The following CELSR1 variants were observed in gnomAD, a reference collection of about 807,000 sequenced individuals.
The protein encoded by CELSR1 is cadherin EGF LAG seven-pass G-type receptor 1, also known as adhesion G protein-coupled receptor C1.
CELSR1 carries 110 observed loss-of-function variants against 249.1 expected under a neutral mutation model. The ratio of observed to expected loss-of-function variants is 0.44; its 90% CI spans 0.38 to 0.52. The LOEUF (loss-of-function observed/expected upper bound fraction) is 0.52, where lower values mean the gene tolerates loss of function less well. CELSR1 is among the 20% of genes least tolerant of loss of function. CELSR1 has a pLI of 0.00. For missense variants in CELSR1, 4,109 were observed against 4,296.4 expected (o/e 0.96, Z 1.22); for synonymous variants, 2,113 against 1,900.0 (o/e 1.11, Z -2.92).
At position 46,533,783 on chromosome 22, in the gene CELSR1, G is replaced by A; in HGVS notation, c.3388C>T (p.His1130Tyr). 2 of 1,613,696 alleles carry A rather than the reference G, an allele frequency of 1.2e-6. No homozygotes were observed. The highest frequency in any genetic ancestry group is 1.7e-6 in the Non-Finnish European group (2 of 1,180,022). ...PTGVIGCIPA[H>Y]DPDVSDSLNY... ...AGGCTGTCTGACACGTCGGGGTCAT[G>A]GGCCGGGATGCAGCCGATCACGCCG... Residue 1130 changes from histidine (H) to tyrosine (Y), a missense_variant, in exon 1 of 35, where the codon CAT (histidine) becomes TAT (tyrosine). His to Tyr is a moderately conservative substitution (Grantham distance 83, BLOSUM62 2). This residue lies in a region of CELSR1 where 886 missense variants were observed against 896.5 expected (regional missense o/e 0.99). Transcript: ENST00000674500.
At chr22:46,508,007 G>C (rs1342673440) in intron 1 of CELSR1, among the ~76,000 whole-genome samples, 1 of 152,162 alleles carries the variant, frequency 6.6e-6, no homozygotes, top group East Asian at 1.9e-4. Flanking sequence ...GGATAGCTTG[G>C]TCCCGCCGGG....
Position 46,488,819 on chromosome 22 carries a change from C to T in CELSR1, c.3545-24474G>A, listed in dbSNP as rs1330563035. On this transcript the variant is annotated intron_variant, in intron 1 of 34. Transcript: ENST00000674500. The surrounding 1 kb of genome is among the most constrained non-coding windows in gnomAD (Gnocchi z 4.7). Reference sequence around the variant, plus strand: ...GGACTACAGGCGCCCGCCACCAGGCCCAGCTAATTTTTTGTATTTTTAGTA... The same window carrying T: ...GGACTACAGGCGCCCGCCACCAGGCTCAGCTAATTTTTTGTATTTTTAGTA... Among the ~76,000 whole-genome samples the T allele has an allele frequency of 1.3e-5, 2 of 152,158 alleles. No homozygotes were observed. The highest frequency in any genetic ancestry group is 4.8e-5 in the African/African-American group (2 of 41,438).
intron 33 of CELSR1, 63 bp from the exon 34 acceptor site, chr22:46,364,314 C>G: frequency 1.3e-6 from 2 of 1,577,724 alleles, no homozygotes; most frequent in African/African-American, 1.4e-5. Context: ...GCTGCTGGGC[C>G]GTGTGCAGCT....
chr22:46,365,821 G>T, intron 30 of CELSR1, 132 bp from the exon 31 acceptor site: 1 of 195,714 alleles, frequency 5.1e-6, no homozygotes, highest in Non-Finnish European at 8.7e-6. Flanking sequence ...ACAGCCTCCC[G>T]AGTATGTGGG....
At chr22:46,387,701 C>G (rs2079047147) in intron 18 of CELSR1, among the ~76,000 whole-genome samples, 1 of 152,074 alleles carries the variant, frequency 6.6e-6, no homozygotes, top group African/African-American at 2.4e-5. Context: ...ATCCTGAACC[C>G]CATCAAATAA....
At position 46,526,109 on chromosome 22, in the gene CELSR1, G is replaced by T. The variant is rs1463121360; in HGVS notation, c.3544+7518C>A. Reference sequence around the variant, plus strand: ...TGAGGTGGGCGCCCTGCCCTGGTGAGTCCATGTCCCGTGGACCTGTGGCCC... The same window carrying T: ...TGAGGTGGGCGCCCTGCCCTGGTGATTCCATGTCCCGTGGACCTGTGGCCC... On this transcript the variant is annotated intron_variant, in intron 1 of 34. Transcript: ENST00000674500. The surrounding 1 kb of genome is among the most constrained non-coding windows in gnomAD (Gnocchi z 4.7). 6.6e-6 allele frequency among the ~76,000 whole-genome samples: 1 copy of T among 152,216 alleles called. No homozygotes were observed. The highest frequency in any genetic ancestry group is 2.4e-5 in the African/African-American group (1 of 41,458).
In CELSR1 at chr22:46,454,657, T is replaced by A. The variant is rs796902786; in HGVS notation, c.4183+9050A>T. Among the ~76,000 whole-genome samples the A allele has an allele frequency of 2.6e-5, 4 of 152,334 alleles. No homozygotes were observed. The highest frequency in any genetic ancestry group is 9.6e-5 in the African/African-American group (4 of 41,570). On this transcript the variant is annotated intron_variant, in intron 2 of 34. Transcript: ENST00000674500. This position sits in a 1 kb window ranked among gnomAD's most constrained non-coding sequence, Gnocchi z 5.1. Reference sequence around the variant, plus strand: ...CCACACCTAGTTCAGCTCGCCCACCTCCAAGCTGTCCGGGTGGGACGCGGG... The same window carrying A: ...CCACACCTAGTTCAGCTCGCCCACCACCAAGCTGTCCGGGTGGGACGCGGG...
At chr22:46,456,592 G>A (rs892344044) in intron 2 of CELSR1, among the ~76,000 whole-genome samples, 6 of 149,536 alleles carry the variant, frequency 4.0e-5, no homozygotes, top group African/African-American at 1.5e-4. Context: ...GAACCTGGGA[G>A]GCAGAGCTTG....
intron 9 of CELSR1, 147 bp from the exon 10 acceptor site, chr22:46,400,049 G>C: frequency 1.2e-6 from 1 of 816,570 alleles, no homozygotes; most frequent in Non-Finnish European, 1.9e-6. Flanking sequence ...GGCAAAGTTG[G>C]CCAGGTGCGG....
Position 46,377,975 on chromosome 22 carries a change from G to A in CELSR1, c.7383+616C>T, listed in dbSNP as rs1285474648. 2.6e-5 allele frequency among the ~76,000 whole-genome samples: 4 copies of A among 152,318 alleles called. No homozygotes were observed. The East Asian group carries it at 5.8e-4, about 22-fold the overall frequency. ...CTGGTTCTGACTCCTAGACCCCAGG[G>A]TCCCACACAGGCCATGGCCAGGCTG... On this transcript the variant is annotated intron_variant, in intron 23 of 34. Coordinates refer to ENST00000674500, the MANE Select transcript of CELSR1 (RefSeq NM_001378328.1).
chr22:46,464,101 C>T lies in CELSR1; in HGVS notation c.3789G>A (p.Ser1263=), dbSNP rs140464049. 69 of 1,613,696 alleles carry T rather than the reference C, an allele frequency of 4.3e-5. No homozygotes were observed. In the Admixed American group the frequency reaches 4.7e-4, roughly 11 times the overall value. The change falls in exon 2 of 35, where the codon TCG becomes TCA. Residue 1263 remains serine (S), a synonymous_variant. Transcript: ENST00000674500. This position sits in a 1 kb window ranked among gnomAD's most constrained non-coding sequence, Gnocchi z 8.5. Reference sequence around the variant, plus strand: ...CGCGGACGCCGCCAGGCAGCAGCGCCGAGAAGGTCACGTTCAGGATGTTGG... The same window carrying T: ...CGCGGACGCCGCCAGGCAGCAGCGCTGAGAAGGTCACGTTCAGGATGTTGG... ...VSSNILNVTF[S]ALLPGGVRGQ...
Position 46,404,629 on chromosome 22 carries a change from C to A in CELSR1, c.5226+4367G>T, listed in dbSNP as rs181100257. Among the ~76,000 whole-genome samples, 166 of 151,942 alleles carry A rather than the reference C, an allele frequency of 1.1e-3. 2 individuals are homozygous for A. The highest frequency in any genetic ancestry group is 3.8e-3 in the Admixed American group (58 of 15,250). ...GGTGGGGGAGGGGGGCACACACACA[C>A]AAAAAAACAGATGCACACCTGGCTA... On this transcript the variant is annotated intron_variant, in intron 9 of 34. Transcript: ENST00000674500.
At position 46,446,146 on chromosome 22, in the gene CELSR1, C is replaced by T. The variant is rs12158853; in HGVS notation, c.4184-6735G>A. 0.041 allele frequency among the ~76,000 whole-genome samples: 6,289 copies of T among 152,242 alleles called. 445 individuals carry two copies. Among genetic ancestry groups the T allele is most frequent in the African/African-American group, 0.14 (5,846 of 41,504 alleles). On this transcript the variant is annotated intron_variant, in intron 2 of 34. Coordinates refer to ENST00000674500, the MANE Select transcript of CELSR1 (RefSeq NM_001378328.1). This position sits in a 1 kb window ranked among gnomAD's most constrained non-coding sequence, Gnocchi z 5.5. ...CACACCCAGCCCCCTCCACACCATA[C>T]TCACGAGCCTGTGCCGGCCCCACTG...
In CELSR1 at chr22:46,536,294, G is replaced by A. The variant is rs149990644; in HGVS notation, c.877C>T (p.Arg293Trp). The change falls in exon 1 of 35, where the codon CGG becomes TGG. Residue 293 changes from arginine (R) to tryptophan (W), a missense_variant. By Grantham distance (101) the Arg-to-Trp change is moderately radical (BLOSUM62 -3). Around this residue, in one of 7 missense-constraint regions of CELSR1, gnomAD observed 673 missense variants for 636.8 expected, o/e 1.06. Transcript: ENST00000674500. ...GCAGAGTCGATTCGGAAGTAGCCCCGGGAGCGCTCGTCGAACAGCCCCTCC... is the reference window on the plus strand; with the variant it reads ...GCAGAGTCGATTCGGAAGTAGCCCCAGGAGCGCTCGTCGAACAGCCCCTCC... ...YMEGLFDERS[R>W]GYFRIDSATG... is the part of the protein sequence containing the mutation. The A allele has an allele frequency of 1.9e-6, 3 of 1,612,618 alleles. No individual in the cohort carries two copies. The highest frequency in any genetic ancestry group is 1.1e-5 in the South Asian group (1 of 91,082).
chr22:46,525,163 T>C (rs4823556), intron 1 of CELSR1, among the ~76,000 whole-genome samples: 50,282 of 152,050 alleles, frequency 0.33, 9,047 homozygotes, highest in African/African-American at 0.47. Context: ...AGAGGGTCGT[T>C]TACGGCTGGG....
chr22:46,365,520 G>A, intron 31 of CELSR1, 66 bp downstream of exon 31: 3 of 1,541,410 alleles, frequency 1.9e-6, no homozygotes, highest in East Asian at 2.4e-5. Flanking sequence ...GGGGCAGTCT[G>A]TCCAGTGACC....
chr22:46,369,906 C>T (rs755468994), intron 25 of CELSR1, 102 bp from the exon 26 acceptor site: 3 of 961,174 alleles, frequency 3.1e-6, no homozygotes, highest in Admixed American at 1.9e-5. Context: ...GACTCAGCAT[C>T]TCCCTTCTCA....
Position 46,418,474 on chromosome 22 carries a change from G to C in CELSR1, c.4612-6715C>G, listed in dbSNP as rs143701056. Among the ~76,000 whole-genome samples the C allele has an allele frequency of 5.7e-3, 871 of 151,770 alleles. 11 individuals are homozygous for C. The highest frequency in any genetic ancestry group is 0.017 in the African/African-American group (686 of 41,092). On this transcript the variant is annotated intron_variant, in intron 5 of 34. Coordinates refer to ENST00000674500, the MANE Select transcript of CELSR1 (RefSeq NM_001378328.1). ...CACTCCAGCCTGGGCGACAGAGCAA[G>C]ATTCCGCCTCAGAATAAATAAATAA...
rs1042584028 is a variant in CELSR1, at chr22:46,434,001, T to C, written c.4523-520A>G. Among the ~76,000 whole-genome samples, 3 of 152,128 alleles carry C rather than the reference T, an allele frequency of 2.0e-5. No homozygotes were observed. Among genetic ancestry groups the C allele is most frequent in the African/African-American group, 7.2e-5 (3 of 41,424 alleles). On this transcript the variant is annotated intron_variant, in intron 4 of 34. Coordinates refer to ENST00000674500, the MANE Select transcript of CELSR1 (RefSeq NM_001378328.1). This position sits in a 1 kb window ranked among gnomAD's most constrained non-coding sequence, Gnocchi z 4.9. ...CCTGGCCTTGTTCCTTTTCTAAATA[T>C]GAAAAAATATAAACACGGAAAACCC...
Sources: gnomAD v4.1 joint callset for allele counts (sites outside exome capture counted in the v4.1 genomes callset) on GRCh38, gnomAD v4.1.1 for gene constraint, gnomAD v4.1.1 regional missense constraint, Gnocchi (gnomAD v3.1) non-coding constraint, MANE v1.5 for transcripts, NCBI Gene and HGNC (gene_info 2026-07-23, HGNC 2026-07-21) for gene names.